Variants in ARNT2 observed in about 807,000 individuals in gnomAD.
ARNT2 encodes ARNT protein 2.
A neutral mutation model predicts 91.7 loss-of-function variants in ARNT2; 36 were observed. That is an observed-to-expected ratio of 0.39 (90% confidence interval 0.30 to 0.52). ARNT2 has a LOEUF of 0.52. ARNT2 is among the 20% of genes least tolerant of loss of function. ARNT2 has a pLI of 0.72. For missense variants in ARNT2, 775 were observed against 939.3 expected, an observed-to-expected ratio of 0.83 and a Z score of 2.29; for synonymous variants, 365 against 347.1, an observed-to-expected ratio of 1.05 and a Z score of -0.57.
chr15:80,590,775 A>G (rs1415694204), intron 17 of ARNT2, among the ~76,000 whole-genome samples: 1 of 152,092 alleles, frequency 6.6e-6, no homozygotes, highest in African/African-American at 2.4e-5. Context: ...TATGTTTCCT[A>G]TTTTTTGTTT....
At chr15:80,528,945 T>G (rs1897691045) in intron 8 of ARNT2, among the ~76,000 whole-genome samples, 1 of 152,220 alleles carries the variant, frequency 6.6e-6, no homozygotes, top group African/African-American at 2.4e-5. Context: ...TCCAACAAAT[T>G]CCTTGGCCAC....
chr15:80,467,653 C>A (rs1896675233), intron 3 of ARNT2, among the ~76,000 whole-genome samples: 1 of 152,228 alleles, frequency 6.6e-6, no homozygotes, highest in African/African-American at 2.4e-5. Flanking sequence ...AGGGTGCCTG[C>A]CCAGCATCTT....
At chr15:80,408,961 G>A (rs1595950157) in intron 1 of ARNT2, among the ~76,000 whole-genome samples, 1 of 152,038 alleles carries the variant, frequency 6.6e-6, no homozygotes. Context: ...TGAAAGGAAG[G>A]CACAGAGATT....
intron 6 of ARNT2, among the ~76,000 whole-genome samples, chr15:80,510,832 T>C (rs1897331239): frequency 6.6e-6 from 1 of 151,664 alleles, no homozygotes; most frequent in Admixed American, 6.6e-5. Context: ...ATCTCAAAAA[T>C]AAATAAATAA....
At chr15:80,515,902 A>AC (rs1897427297) in intron 8 of ARNT2, among the ~76,000 whole-genome samples, 1 of 132,454 alleles carries the variant, frequency 7.5e-6, no homozygotes, top group Non-Finnish European at 1.6e-5. Flanking sequence ...ACGGAGTTTC[A>AC]CTCATTACCC....
At chr15:80,476,359 A>G (rs114382400) in intron 5 of ARNT2, among the ~76,000 whole-genome samples, 24 of 152,266 alleles carry the variant, frequency 1.6e-4, no homozygotes, top group Non-Finnish European at 3.1e-4. Context: ...CAACCTTTCT[A>G]TGTTCATCTA....
intron 5 of ARNT2, among the ~76,000 whole-genome samples, chr15:80,499,937 A>G (rs1478794869): frequency 6.6e-6 from 1 of 152,242 alleles, no homozygotes; most frequent in African/African-American, 2.4e-5. Flanking sequence ...TCTACTGCCC[A>G]TTCAGAGCTC....
chr15:80,550,935 T>G (rs1032995257), intron 8 of ARNT2, among the ~76,000 whole-genome samples: 1 of 152,278 alleles, frequency 6.6e-6, no homozygotes, highest in Non-Finnish European at 1.5e-5. Context: ...GTGTACAGAA[T>G]AACTATTTCC....
rs144758842 is a variant in ARNT2, at chr15:80,454,258, G to A, written c.146+3264G>A. 6.3e-3 allele frequency among the ~76,000 whole-genome samples: 954 copies of A among 152,156 alleles called. 5 individuals carry two copies. The highest frequency in any genetic ancestry group is 0.015 in the South Asian group (73 of 4,802). On this transcript the variant is annotated intron_variant, in intron 2 of 18. Coordinates refer to ENST00000303329, the MANE Select transcript of ARNT2 (RefSeq NM_014862.4). Reference sequence around the variant, plus strand: ...GTGACAGGGTGGTGAGGGGTGGGGGGCTTCACTGGGGCAAATTCAGTTGGG... The same window carrying A: ...GTGACAGGGTGGTGAGGGGTGGGGGACTTCACTGGGGCAAATTCAGTTGGG...
chr15:80,503,292 T>A (rs1897225347), intron 5 of ARNT2, among the ~76,000 whole-genome samples: 1 of 152,138 alleles, frequency 6.6e-6, no homozygotes, highest in Non-Finnish European at 1.5e-5. Context: ...ATTTTGTACA[T>A]CTCAACTGCT....
chr15:80,538,916 C>A (rs1240980549), intron 8 of ARNT2, among the ~76,000 whole-genome samples: 1 of 151,794 alleles, frequency 6.6e-6, no homozygotes, highest in Non-Finnish European at 1.5e-5. Context: ...AGTTTATGAA[C>A]AAATAGTGTG....
At chr15:80,563,279 C>G in intron 12 of ARNT2, 40 bp downstream of exon 12, 1 of 1,611,814 alleles carries the variant, frequency 6.2e-7, no homozygotes, top group South Asian at 1.1e-5. Context: ...AATCCACATG[C>G]GCTTGCTTGG....
chr15:80,424,407 T>C (rs1384240009), intron 1 of ARNT2, among the ~76,000 whole-genome samples: 1 of 152,218 alleles, frequency 6.6e-6, no homozygotes, highest in East Asian at 1.9e-4. Flanking sequence ...GACATTTCAT[T>C]CCCACTTTTA....
Position 80,560,556 on chromosome 15 carries a change from G to A in ARNT2, c.1165-2532G>A, listed in dbSNP as rs1194482347. Among the ~76,000 whole-genome samples, 3 of 152,128 alleles carry A rather than the reference G, an allele frequency of 2.0e-5. No homozygotes were observed. In the East Asian group the frequency reaches 5.8e-4, roughly 29 times the overall value. On this transcript the variant is annotated intron_variant, in intron 11 of 18. Transcript: ENST00000303329. ...CGTGCCTTCTGTGTGCTAGTTGCATGGAGCTAACAAATTTCACACTGTCTC... is the reference window on the plus strand; with the variant it reads ...CGTGCCTTCTGTGTGCTAGTTGCATAGAGCTAACAAATTTCACACTGTCTC...
At chr15:80,479,954 CA>C (rs76364751) in intron 5 of ARNT2, among the ~76,000 whole-genome samples, 10,553 of 151,996 alleles carry the variant, frequency 0.069, 880 homozygotes, top group African/African-American at 0.19. Flanking sequence ...AAAGAAGAGA[CA>C]AGTGGGCAGG....
chr15:80,532,790 A>G (rs986463312), intron 8 of ARNT2, among the ~76,000 whole-genome samples: 1 of 152,240 alleles, frequency 6.6e-6, no homozygotes, highest in Non-Finnish European at 1.5e-5. Flanking sequence ...GGGAGTATTC[A>G]CTAGAATCAT....
chr15:80,524,893 C>T (rs1049697629), intron 8 of ARNT2, among the ~76,000 whole-genome samples: 6 of 148,620 alleles, frequency 4.0e-5, no homozygotes, highest in African/African-American at 1.5e-4. Context: ...AAAAAAAGAA[C>T]AAAGTGCTAA....
At position 80,508,223 on chromosome 15, in the gene ARNT2, C is replaced by T; in HGVS notation, c.690C>T (p.Cys230=). The T allele has an allele frequency of 6.2e-7, 1 of 1,614,132 alleles. No individual in the cohort carries two copies. Among genetic ancestry groups the T allele is most frequent in the Non-Finnish European group, 8.5e-7 (1 of 1,180,000 alleles). ...KEGQQSSMRM[C]MGSRRSFICR... ...GGCAGCAGTCATCCATGAGGATGTG[C>T]ATGGGCTCGCGGCGGTCTTTCATCT... is the stretch of plus-strand genomic sequence containing the variant. Residue 230 remains cysteine (C), a synonymous_variant, in exon 6 of 19, where the codon TGC becomes TGT. Coordinates refer to ENST00000303329, the MANE Select transcript of ARNT2 (RefSeq NM_014862.4).
chr15:80,496,265 T>C (rs1450292503), intron 5 of ARNT2, among the ~76,000 whole-genome samples: 1 of 152,202 alleles, frequency 6.6e-6, no homozygotes, highest in Non-Finnish European at 1.5e-5. Context: ...CTATAGTGCA[T>C]TCCTGTGTGA....
Sources: gnomAD v4.1 joint callset for allele counts (sites outside exome capture counted in the v4.1 genomes callset) on GRCh38, gnomAD v4.1.1 for gene constraint, MANE v1.5 for transcripts, NCBI Gene and HGNC (gene_info 2026-07-23, HGNC 2026-07-21) for gene names.